The following MYCBP2 variants were observed in gnomAD, a reference collection of about 807,000 sequenced individuals.
The protein encoded by MYCBP2 is MYC binding protein 2.
In MYCBP2, 120 loss-of-function variants were observed where a neutral mutation model predicts 525.3. The ratio of observed to expected loss-of-function variants is 0.23; its 90% CI spans 0.20 to 0.27. The LOEUF (loss-of-function observed/expected upper bound fraction) is 0.27, where lower values mean the gene tolerates loss of function less well. Ranked by LOEUF, MYCBP2 falls within the 10% of genes least tolerant of loss-of-function variation. MYCBP2 has a pLI of 1.00. For missense variants in MYCBP2, 4,149 were observed against 5,657.1 expected, an observed-to-expected ratio of 0.73 and a Z score of 8.55; for synonymous variants, 1,894 against 1,955.8, an observed-to-expected ratio of 0.97 and a Z score of 0.83.
intron 46 of MYCBP2, among the ~76,000 whole-genome samples, chr13:77,152,476 T>G (rs1266364426): frequency 6.6e-6 from 1 of 152,174 alleles, no homozygotes; most frequent in Non-Finnish European, 1.5e-5. Context: ...CTGGAAACCA[T>G]GACCCTAAAT....
At chr13:77,218,627 A>C (rs1478511476) in intron 20 of MYCBP2, among the ~76,000 whole-genome samples, 2 of 152,174 alleles carry the variant, frequency 1.3e-5, no homozygotes, top group East Asian at 1.9e-4. Context: ...GTCTACCCCC[A>C]CAGAGTTCCT....
intron 24 of MYCBP2, among the ~76,000 whole-genome samples, 185 bp downstream of exon 24, chr13:77,206,468 G>A (rs541692998): frequency 3.2e-4 from 49 of 152,074 alleles, no homozygotes; most frequent in Non-Finnish European, 6.3e-4. Context: ...ATCTTTGATA[G>A]TGTTAGTACA....
intron 26 of MYCBP2, among the ~76,000 whole-genome samples, chr13:77,204,914 G>T (rs972187685): frequency 9.4e-6 from 1 of 106,202 alleles, no homozygotes; most frequent in Non-Finnish European, 1.8e-5. Flanking sequence ...GGGGGGAGGG[G>T]GGAGGGATAG....
chr13:77,079,486 G>T (rs188771065), intron 65 of MYCBP2, among the ~76,000 whole-genome samples: 1 of 152,236 alleles, frequency 6.6e-6, no homozygotes, highest in African/African-American at 2.4e-5. Context: ...AGCACATCAA[G>T]AAATAGATTA....
chr13:77,169,525 G>T (rs2058925843), intron 39 of MYCBP2, 89 bp downstream of exon 39: 3 of 1,111,266 alleles, frequency 2.7e-6, no homozygotes, highest in Non-Finnish European at 1.3e-6. Context: ...CCTCAAAGAT[G>T]CAAGTTTTTG....
intron 4 of MYCBP2, among the ~76,000 whole-genome samples, chr13:77,275,301 T>C (rs191517375): frequency 2.6e-4 from 40 of 152,340 alleles, no homozygotes; most frequent in Admixed American, 2.3e-3. Flanking sequence ...TTCTTTAACA[T>C]GGCATGTAAA....
intron 18 of MYCBP2, among the ~76,000 whole-genome samples, chr13:77,227,481 T>TACACACAC (rs71704593): frequency 0.017 from 2,529 of 145,236 alleles, 30 homozygotes; most frequent in Non-Finnish European, 0.027. Context: ...CACACACACA[T>TACACACAC]ACACACACAC....
intron 63 of MYCBP2, among the ~76,000 whole-genome samples, chr13:77,082,387 T>C (rs1226482414): frequency 1.3e-5 from 2 of 152,156 alleles, no homozygotes; most frequent in Non-Finnish European, 2.9e-5. Flanking sequence ...AGTTCAAAAA[T>C]CTTGTGAGGA....
rs1204402715 is a variant in MYCBP2 at position 77,215,078 on chromosome 13, C to A, written c.3057+2762G>T. Among the ~76,000 whole-genome samples the A allele has an allele frequency of 2.0e-5, 3 of 151,998 alleles. No individual in the cohort carries two copies. The East Asian group carries it at 5.8e-4, about 29-fold the overall frequency. ...GTATGGAATGAAAGGTGTGGGGAGG[C>A]AGGAATGTCAAGGATATGGGAGGAA... is the stretch of plus-strand genomic sequence containing the variant. On this transcript the variant is annotated intron_variant, in intron 21 of 82. Coordinates refer to ENST00000544440, the MANE Select transcript of MYCBP2 (RefSeq NM_015057.5).
intron 55 of MYCBP2, among the ~76,000 whole-genome samples, chr13:77,113,228 A>T (rs1260025160): frequency 1.3e-5 from 2 of 152,162 alleles, no homozygotes; most frequent in African/African-American, 2.4e-5. Context: ...CACTCTGAGT[A>T]GGACCTGCCT....
chr13:77,255,082 A>G (rs532683266), intron 14 of MYCBP2, among the ~76,000 whole-genome samples: 1 of 152,144 alleles, frequency 6.6e-6, no homozygotes, highest in African/African-American at 2.4e-5. Context: ...TCTCTCTGAC[A>G]TACAGATTTC....
At chr13:77,175,307 GA>G (rs1391309970) in intron 36 of MYCBP2, among the ~76,000 whole-genome samples, 1 of 150,928 alleles carries the variant, frequency 6.6e-6, no homozygotes, top group African/African-American at 2.4e-5. Context: ...TAGATGTGAG[GA>G]AAAAAATGGT....
intron 36 of MYCBP2, among the ~76,000 whole-genome samples, chr13:77,175,888 C>T (rs913196470): frequency 2.6e-5 from 4 of 151,336 alleles, no homozygotes; most frequent in African/African-American, 9.7e-5. Context: ...ACCCGGGAGG[C>T]AGAGGTTGCA....
chr13:77,277,184 G>A (rs1285937191), intron 4 of MYCBP2, among the ~76,000 whole-genome samples: 1 of 152,030 alleles, frequency 6.6e-6, no homozygotes, highest in Admixed American at 6.5e-5. Context: ...AGTCTTCGCG[G>A]GTATTTCAAC....
In MYCBP2 at chr13:77,095,406, T is replaced by C. The variant is rs756340646; in HGVS notation, c.10151A>G (p.Glu3384Gly). Residue 3384 changes from glutamate to glycine, a missense_variant, in exon 58 of 83, where the codon GAG becomes GGG. By Grantham distance (98) the Glu-to-Gly change is moderately conservative (BLOSUM62 -2). Coordinates refer to ENST00000544440, the MANE Select transcript of MYCBP2 (RefSeq NM_015057.5). ...QLPSVKEGIS[E>G]DLPVKMPCLY... is the part of the protein sequence containing the mutation. The stretch of plus-strand genomic sequence containing the variant: ...ACAAGGCATTTTCACAGGAAGATCC[T>C]CAGAAATGCCTTCTTTTACACTGGG... 4.3e-6 allele frequency: 7 copies of C among 1,613,322 alleles called. No individual in the cohort carries two copies. The highest frequency in any genetic ancestry group is 5.9e-6 in the Non-Finnish European group (7 of 1,179,674).
At chr13:77,057,882 G>A (rs1352137365) in intron 78 of MYCBP2, among the ~76,000 whole-genome samples, 1 of 139,462 alleles carries the variant, frequency 7.2e-6, no homozygotes, top group Non-Finnish European at 1.5e-5. Context: ...TCTGTCACCA[G>A]GCTGCAGTGC....
chr13:77,301,185 C>T (rs1185161035), intron 1 of MYCBP2, among the ~76,000 whole-genome samples: 1 of 151,838 alleles, frequency 6.6e-6, no homozygotes, highest in African/African-American at 2.4e-5. Context: ...GAAGCTGAGG[C>T]GGGCAGATTA....
intron 55 of MYCBP2, among the ~76,000 whole-genome samples, chr13:77,112,907 C>T (rs1324976034): frequency 2.0e-5 from 3 of 152,052 alleles, no homozygotes; most frequent in African/African-American, 7.2e-5. Flanking sequence ...CTTGTATCTT[C>T]TCTCTTAGTA....
chr13:77,127,687 T>C (rs1319113711), intron 52 of MYCBP2, among the ~76,000 whole-genome samples: 1 of 151,892 alleles, frequency 6.6e-6, no homozygotes, highest in Non-Finnish European at 1.5e-5. Flanking sequence ...GTTCTATCCC[T>C]ACCAGTAGCC....
Sources: allele counts gnomAD v4.1 joint callset (sites outside exome capture counted in the v4.1 genomes callset), GRCh38; gene constraint gnomAD v4.1.1; transcripts MANE v1.5; gene names NCBI Gene and HGNC (gene_info 2026-07-23, HGNC 2026-07-21).